ZNF638: variants seen among roughly 807,000 people sequenced by gnomAD.
ZNF638 encodes the protein zinc finger protein 638, also known as CTCL tumor antigen se33-1.
ZNF638 carries 46 observed loss-of-function variants against 195.6 expected under a neutral mutation model. The ratio of observed to expected loss-of-function variants is 0.24; its 90% confidence interval spans 0.19 to 0.30. The LOEUF (loss-of-function observed/expected upper bound fraction) is 0.30. Among genes scored for constraint, ZNF638 ranks in the 10% least tolerant of loss-of-function variants. The pLI is 1.00. For missense variants in ZNF638, 2,440 were observed against 2,325.3 expected, an observed-to-expected ratio of 1.05 and a Z score of -1.01; for synonymous variants, 845 against 772.0, an observed-to-expected ratio of 1.09 and a Z score of -1.57.
At chr2:71,336,404 A>G (rs1198742949) in intron 1 of ZNF638, among the ~76,000 whole-genome samples, 1 of 148,948 alleles carries the variant, frequency 6.7e-6, no homozygotes, top group African/African-American at 2.5e-5. Context: ...AAAAAAACCA[A>G]AAAAACACAA....
chr2:71,348,960 G>A lies in ZNF638; in HGVS notation c.6G>A (p.Ser2=), dbSNP rs777353569. Residue 2 remains serine, a synonymous_variant, in exon 2 of 28, where the codon TCG becomes TCA. Transcript: ENST00000264447. ...AGGCTTTCTTGAAAATAGCCATGTC[G>A]AGACCCAGGTTTAATCCTCGAGGAG... M[S]RPRFNPRGDF... 1.1e-5 allele frequency: 18 copies of A among 1,614,052 alleles called. No individual in the cohort carries two copies. The South Asian group carries it at 1.2e-4, about 11-fold the overall frequency.
rs139534930 is a variant in ZNF638, at chr2:71,364,133, A to C, written c.1598A>C (p.Tyr533Ser). 151 of 1,614,160 alleles carry C rather than the reference A, an allele frequency of 9.4e-5. No homozygotes were observed. The highest frequency in any genetic ancestry group is 1.2e-4 in the Non-Finnish European group (141 of 1,180,020). Residue 533 changes from tyrosine to serine, a missense_variant, in exon 5 of 28, where the codon TAC (tyrosine) becomes TCC (serine). By Grantham distance (144) the Tyr-to-Ser change is moderately radical (BLOSUM62 -2). Coordinates refer to ENST00000264447, the MANE Select transcript of ZNF638 (RefSeq NM_014497.5). ...PRICHRFISRYRSRSRSRSPY... is the reference protein window; with the variant it reads ...PRICHRFISRSRSRSRSRSPY... ...ATTTGCCATCGTTTCATTTCTAGAT[A>C]CAGATCCAGATCCAGATCCCGTTCA...
chr2:71,371,692 C>T (rs1471331861), intron 8 of ZNF638, among the ~76,000 whole-genome samples: 1 of 91,176 alleles, frequency 1.1e-5, no homozygotes, highest in Non-Finnish European at 2.1e-5. Flanking sequence ...TTTTTTTTAT[C>T]AGAGTATTAG....
intron 1 of ZNF638, among the ~76,000 whole-genome samples, chr2:71,333,366 G>A (rs1034219516): frequency 3.9e-5 from 6 of 152,142 alleles, no homozygotes; most frequent in African/African-American, 1.4e-4. Flanking sequence ...ACAGTTGGAA[G>A]AAATCACAAA....
chr2:71,394,919 T>C (rs1475845984), intron 10 of ZNF638, among the ~76,000 whole-genome samples: 1 of 152,182 alleles, frequency 6.6e-6, no homozygotes, highest in African/African-American at 2.4e-5. Flanking sequence ...AGTGACAAGA[T>C]GCGCTGGCAT....
chr2:71,432,055 A>T (rs558466509), intron 26 of ZNF638, among the ~76,000 whole-genome samples: 37 of 152,286 alleles, frequency 2.4e-4, no homozygotes, highest in African/African-American at 7.2e-4. Flanking sequence ...CATGCTGCAA[A>T]TCTTTGCTAG....
At chr2:71,430,358 A>G (rs945763317) in intron 25 of ZNF638, among the ~76,000 whole-genome samples, 1 of 152,224 alleles carries the variant, frequency 6.6e-6, no homozygotes, top group African/African-American at 2.4e-5. Context: ...TTAACCATCA[A>G]GTTAAGAAAA....
intron 9 of ZNF638, 36 bp from the exon 10 acceptor site, chr2:71,380,477 C>T (rs1277781570): frequency 2.6e-6 from 4 of 1,555,910 alleles, no homozygotes; most frequent in Middle Eastern, 1.8e-4. Flanking sequence ...CTTAGAATTC[C>T]TAAGTTGCTG....
At chr2:71,388,646 C>G (rs1255636813) in intron 10 of ZNF638, 2 of 868,694 alleles carry the variant, frequency 2.3e-6, no homozygotes, top group Non-Finnish European at 4.0e-6. Context: ...GACTCAGCAG[C>G]TGGTGCCCCT....
rs770927864 is a variant in ZNF638, at chr2:71,380,537, T to C, written c.2349T>C (p.Ala783=). The C allele has an allele frequency of 3.1e-6, 5 of 1,605,058 alleles. No individual in the cohort carries two copies. The highest frequency in any genetic ancestry group is 1.1e-5 in the South Asian group (1 of 88,992). Residue 783 remains alanine, a synonymous_variant, in exon 10 of 28, where the codon GCT becomes GCC. Transcript: ENST00000264447. The part of the protein sequence containing the change: ...TLKRDADASK[A]VEIVTSTSAA... The stretch of plus-strand genomic sequence containing the variant: ...GAAGAGATGCAGATGCTTCAAAAGC[T>C]GTTGAAATTGTTACTTCAACTTCTG...
In ZNF638 at chr2:71,364,002, T is replaced by C; in HGVS notation, c.1467T>C (p.His489=). Residue 489 remains histidine, a synonymous_variant, in exon 5 of 28, where the codon CAT becomes CAC. Coordinates refer to ENST00000264447, the MANE Select transcript of ZNF638 (RefSeq NM_014497.5). ...KENETPRRRS[H]SPSPRRSRRS... is the part of the protein sequence containing the mutation. ...ATGAAACTCCACGAAGACGTTCTCA[T>C]TCCCCCAGTCCTAGGCGTTCTAGAA... 6.2e-7 allele frequency: 1 copy of C among 1,614,174 alleles called. No individual in the cohort carries two copies. Among genetic ancestry groups the C allele is most frequent in the Non-Finnish European group, 8.5e-7 (1 of 1,180,006 alleles).
Position 71,373,437 on chromosome 2 carries a change from A to ATTTTTTT in ZNF638, c.2265+3453_2265+3459dup, listed in dbSNP as rs754117239. On this transcript the variant is annotated intron_variant, in intron 8 of 27. Coordinates refer to ENST00000264447, the MANE Select transcript of ZNF638 (RefSeq NM_014497.5). ...TTATGCATACATATATCAAGTTTGA[A>ATTTTTTT]TTTTTTTTTTTTTTTTTTTTTTTTT... Among the ~76,000 whole-genome samples, 8 of 71,046 alleles carry ATTTTTTT rather than the reference A, an allele frequency of 1.1e-4. 1 individual carries two copies. Among genetic ancestry groups the ATTTTTTT allele is most frequent in the East Asian group, 4.3e-4 (1 of 2,318 alleles). The allele number at this position is 71,046 out of a possible 152,430, so 46.6% of individuals were successfully genotyped here. A position where few individuals can be genotyped will look rare whatever the true frequency, so the allele number is the denominator to read the frequency against.
chr2:71,344,020 C>G (rs996826980), intron 1 of ZNF638, among the ~76,000 whole-genome samples: 1 of 152,198 alleles, frequency 6.6e-6, no homozygotes, highest in Non-Finnish European at 1.5e-5. Context: ...GTCCCAGCTA[C>G]TCAGGAGGGC....
At chr2:71,340,345 G>GA (rs1417914183) in intron 1 of ZNF638, among the ~76,000 whole-genome samples, 3 of 152,344 alleles carry the variant, frequency 2.0e-5, no homozygotes, top group African/African-American at 7.2e-5. Flanking sequence ...TGAGACAAGA[G>GA]AGGACAAAGA....
At chr2:71,387,553 C>G (rs1278719779) in intron 10 of ZNF638, among the ~76,000 whole-genome samples, 1 of 151,832 alleles carries the variant, frequency 6.6e-6, no homozygotes, top group Non-Finnish European at 1.5e-5. Context: ...CTCCTGTAGA[C>G]CCAGGTACTC....
chr2:71,423,847 G>T lies in ZNF638; in HGVS notation c.4333G>T (p.Ala1445Ser). Residue 1445 changes from alanine (A) to serine (S), a missense_variant, in exon 22 of 28, where the codon GCC becomes TCC. By Grantham distance (99) the Ala-to-Ser change is moderately conservative (BLOSUM62 1). Transcript: ENST00000264447. ...KEFGLLKPTS[A>S]RSGLAESSSK... Reference sequence around the variant, plus strand: ...ATTTGGTCTGCTTAAACCCACAAGTGCCAGGTCAGGCTTGGCAGAAAGCAG... The same window carrying T: ...ATTTGGTCTGCTTAAACCCACAAGTTCCAGGTCAGGCTTGGCAGAAAGCAG... 1 of 1,614,076 alleles carries T rather than the reference G, an allele frequency of 6.2e-7. No homozygotes were observed. The highest frequency in any genetic ancestry group is 8.5e-7 in the Non-Finnish European group (1 of 1,179,996).
chr2:71,367,144 G>A (rs546314884), intron 6 of ZNF638, among the ~76,000 whole-genome samples: 1 of 151,790 alleles, frequency 6.6e-6, no homozygotes, highest in Admixed American at 6.6e-5. Context: ...AAATTTTTGA[G>A]TATAGGGAAA....
At chr2:71,429,407 T>C (rs988379036) in intron 25 of ZNF638, among the ~76,000 whole-genome samples, 1 of 152,206 alleles carries the variant, frequency 6.6e-6, no homozygotes, top group African/African-American at 2.4e-5. Context: ...GATGTAAAAT[T>C]AGCTTTCCCC....
chr2:71,419,974 C>CCCCT (rs1189202093), intron 21 of ZNF638, among the ~76,000 whole-genome samples: 5 of 27,020 alleles, frequency 1.9e-4, no homozygotes, highest in Non-Finnish European at 2.3e-4. Context: ...CCCCCCCCGC[C>CCCCT]TTTTTTTTTT....
Sources: gnomAD v4.1 joint callset for allele counts (sites outside exome capture counted in the v4.1 genomes callset) on GRCh38, gnomAD v4.1.1 for gene constraint, MANE v1.5 for transcripts, NCBI Gene and HGNC (gene_info 2026-07-23, HGNC 2026-07-21) for gene names.